Variants in ARHGAP22 observed in about 807,000 individuals in gnomAD.
The protein encoded by ARHGAP22 is Rho GTPase activating protein 22.
A neutral mutation model predicts 59.1 loss-of-function variants in ARHGAP22; 48 were observed. The observed-to-expected ratio is 0.81, with a 90% CI of 0.64 to 1.03. The LOEUF is 1.03. Ranked by LOEUF, ARHGAP22 falls within the 50% of genes least tolerant of loss-of-function variation. The pLI, the probability that ARHGAP22 is intolerant of heterozygous loss-of-function variation, is 0.00. For synonymous variants in ARHGAP22, 445 were observed against 416.4 expected (o/e 1.07, Z -0.84); for missense variants, 1,015 against 958.7 (o/e 1.06, Z -0.78).
chr10:48,566,401 T>C (rs1018102928), intron 2 of ARHGAP22, among the ~76,000 whole-genome samples: 9 of 152,280 alleles, frequency 5.9e-5, no homozygotes, highest in African/African-American at 1.9e-4. Flanking sequence ...CTTGCTTCCT[T>C]ATCACACAAG....
At chr10:48,580,545 G>C (rs889915143) in intron 2 of ARHGAP22, among the ~76,000 whole-genome samples, 4 of 152,166 alleles carry the variant, frequency 2.6e-5, no homozygotes, top group South Asian at 4.2e-4. Flanking sequence ...TACAGGAGGA[G>C]GGTGACAGTA....
chr10:48,565,973 C>A (rs945606190), intron 2 of ARHGAP22, among the ~76,000 whole-genome samples: 2 of 152,166 alleles, frequency 1.3e-5, no homozygotes, highest in Admixed American at 6.5e-5. Context: ...TCCATGGGGA[C>A]CTCCTGCAGG....
Position 48,472,796 on chromosome 10 carries a change from A to T in ARHGAP22, c.451+6840T>A, listed in dbSNP as rs373735991. Reference sequence around the variant, plus strand: ...CGTATGAACAATGAGATAACACTTCATACCTGTTAGGATGGCTATTAAAAA... The same window carrying T: ...CGTATGAACAATGAGATAACACTTCTTACCTGTTAGGATGGCTATTAAAAA... On this transcript the variant is annotated intron_variant, in intron 4 of 9. Transcript: ENST00000249601. Among the ~76,000 whole-genome samples, 7 of 150,766 alleles carry T rather than the reference A, an allele frequency of 4.6e-5. No individual in the cohort carries two copies. In the South Asian group the frequency reaches 8.4e-4, roughly 18 times the overall value.
At chr10:48,568,111 T>C (rs1264692933) in intron 2 of ARHGAP22, among the ~76,000 whole-genome samples, 1 of 152,204 alleles carries the variant, frequency 6.6e-6, no homozygotes, top group Non-Finnish European at 1.5e-5. Context: ...ACTTTGACTC[T>C]GGGGACCTTG....
At chr10:48,457,168 G>A (rs1318674792) in intron 5 of ARHGAP22, among the ~76,000 whole-genome samples, 2 of 152,100 alleles carry the variant, frequency 1.3e-5, no homozygotes, top group Admixed American at 6.5e-5. Flanking sequence ...TGTACCCAGG[G>A]AACCCCCCGC....
chr10:48,460,267 C>T (rs1310596894), intron 4 of ARHGAP22, among the ~76,000 whole-genome samples: 1 of 152,220 alleles, frequency 6.6e-6, no homozygotes, highest in Non-Finnish European at 1.5e-5. Flanking sequence ...CCATCAACAG[C>T]AGATCTCCTG....
chr10:48,594,447 A>AGAGC lies in ARHGAP22; in HGVS notation c.34+10312_34+10315dup, dbSNP rs748687345. On this transcript the variant is annotated intron_variant, in intron 1 of 9. Coordinates refer to ENST00000249601, the MANE Select transcript of ARHGAP22 (RefSeq NM_021226.4). ...TCATGGGCCGAGCCCTGCACTGACA[A>AGAGC]GAGCACCTGGCAGCTGCCAAAGCTC... is the stretch of plus-strand genomic sequence containing the variant. 8.3e-4 allele frequency among the ~76,000 whole-genome samples: 127 copies of AGAGC among 152,328 alleles called. 2 individuals are homozygous for AGAGC. The highest frequency in any genetic ancestry group is 5.2e-3 in the Admixed American group (80 of 15,306).
chr10:48,654,798 CT>C (rs879944982), upstream of ARHGAP22, among the ~76,000 whole-genome samples: 6,393 of 139,364 alleles, frequency 0.046, 198 homozygotes, highest in Middle Eastern at 0.086. Flanking sequence ...TTCTTTCTTT[CT>C]TTCTTTCTTT....
At chr10:48,517,733 G>A (rs1228680270) in intron 3 of ARHGAP22, among the ~76,000 whole-genome samples, 1 of 152,158 alleles carries the variant, frequency 6.6e-6, no homozygotes, top group Non-Finnish European at 1.5e-5. Flanking sequence ...CTCCAAGCAG[G>A]TAGGAGGGGG....
At chr10:48,436,988 T>G in the ARHGAP22 span, 18 of 152,362 alleles carry the variant, frequency 1.2e-4, no homozygotes, top group South Asian at 3.7e-3. Context: ...ACTGTTGCAC[T>G]TTCACAGCAG....
chr10:48,571,672 T>C (rs1466320138), intron 2 of ARHGAP22, among the ~76,000 whole-genome samples: 1 of 152,224 alleles, frequency 6.6e-6, no homozygotes, highest in Non-Finnish European at 1.5e-5. Context: ...GCCTACAAAA[T>C]AGTGATCTGT....
chr10:48,564,591 C>G (rs1423003926), intron 2 of ARHGAP22, among the ~76,000 whole-genome samples: 1 of 152,244 alleles, frequency 6.6e-6, no homozygotes, highest in Non-Finnish European at 1.5e-5. Flanking sequence ...TCAGCTAATT[C>G]ATGCAGCACT....
chr10:48,631,622 A>G (rs937683667), intron 1 of ARHGAP22, among the ~76,000 whole-genome samples: 1 of 152,244 alleles, frequency 6.6e-6, no homozygotes, highest in African/African-American at 2.4e-5. Context: ...CTACTTAAAA[A>G]ATAGTACAGG....
At chr10:48,454,255 G>A in intron 6 of ARHGAP22, 94 bp from the exon 7 acceptor site, 2 of 1,193,408 alleles carry the variant, frequency 1.7e-6, no homozygotes, top group Non-Finnish European at 2.5e-6. Flanking sequence ...AAGGGAGGTG[G>A]GGGCTACGGC....
intron 1 of ARHGAP22, among the ~76,000 whole-genome samples, chr10:48,647,424 T>C (rs777458313): frequency 6.6e-5 from 10 of 152,128 alleles, no homozygotes; most frequent in Non-Finnish European, 1.2e-4. Flanking sequence ...TAAAAAGGCA[T>C]ATGAATAGTT....
chr10:48,596,712 TC>T (rs1356443759), intron 1 of ARHGAP22, among the ~76,000 whole-genome samples: 3 of 152,224 alleles, frequency 2.0e-5, no homozygotes, highest in African/African-American at 7.2e-5. Context: ...TTGGACCTCT[TC>T]CAACTTCTGC....
rs2060906311 is a variant in ARHGAP22 at position 48,611,875 on chromosome 10, TCC to T, written c.53-28725_53-28724del. Among the ~76,000 whole-genome samples, 3 of 22,002 alleles carry T rather than the reference TCC, an allele frequency of 1.4e-4. No individual in the cohort carries two copies. The East Asian group carries it at 7.2e-3, about 53-fold the overall frequency. The allele number at this position is 22,002 out of a possible 152,430, so 14.4% of individuals were successfully genotyped here. On this transcript the variant is annotated intron_variant, in intron 1 of 9. Transcript: ENST00000435790. The stretch of plus-strand genomic sequence containing the variant: ...TCCCTTCCCCTCCCCTCCCCTCCCC[TCC>T]CCTCCCCTCCCGTCCCCTTCACTTT...
intron 3 of ARHGAP22, among the ~76,000 whole-genome samples, chr10:48,481,707 C>T (rs2049340820): frequency 6.6e-6 from 1 of 152,172 alleles, no homozygotes; most frequent in Non-Finnish European, 1.5e-5. Flanking sequence ...CACTGTTCTG[C>T]AAAGTGACTA....
At chr10:48,555,397 T>C in intron 3 of ARHGAP22, 66 bp downstream of exon 3, 1 of 1,519,018 alleles carries the variant, frequency 6.6e-7, no homozygotes, top group South Asian at 1.1e-5. Flanking sequence ...AGGTCTGCCC[T>C]TCCCAGGCCA....
Sources: allele counts gnomAD v4.1 joint callset (sites outside exome capture counted in the v4.1 genomes callset), GRCh38; gene constraint gnomAD v4.1.1; transcripts MANE v1.5; gene names NCBI Gene and HGNC (gene_info 2026-07-23, HGNC 2026-07-21).